GLB1: variants seen among roughly 807,000 people sequenced by gnomAD.
GLB1 encodes galactosidase beta 1.
In GLB1, 56 loss-of-function variants were observed where a neutral mutation model predicts 74.0. That is an observed-to-expected ratio of 0.76 (90% CI 0.61 to 0.94). The LOEUF (loss-of-function observed/expected upper bound fraction) is 0.94, where lower values mean the gene tolerates loss of function less well. GLB1 is among the 40% of genes least tolerant of loss of function. The pLI is 0.00. For missense variants in GLB1, 787 were observed against 845.5 expected, an observed-to-expected ratio of 0.93 and a Z score of 0.86; for synonymous variants, 323 against 323.6, an observed-to-expected ratio of 1.00 and a Z score of 0.02.
downstream of GLB1, among the ~76,000 whole-genome samples, chr3:32,993,947 GTC>G: frequency 6.6e-6 from 1 of 152,236 alleles, no homozygotes; most frequent in Admixed American, 6.5e-5. Flanking sequence ...GGGATTACAG[GTC>G]TAAGGGTAAT....
chr3:33,046,735 C>T (rs933602175), intron 9 of GLB1, among the ~76,000 whole-genome samples: 5 of 152,264 alleles, frequency 3.3e-5, no homozygotes, highest in Middle Eastern at 6.8e-3. Context: ...CCAAACACAG[C>T]GGGAGATGAC....
At chr3:32,984,314 G>T in the GLB1 span, among the ~76,000 whole-genome samples, 1 of 151,908 alleles carries the variant, frequency 6.6e-6, no homozygotes, top group African/African-American at 2.4e-5. Context: ...TGCTCAGGGG[G>T]GAATTCAAGG....
downstream of GLB1, among the ~76,000 whole-genome samples, chr3:32,992,783 T>C (rs1696246553): frequency 6.6e-6 from 1 of 152,198 alleles, no homozygotes; most frequent in African/African-American, 2.4e-5. Context: ...AGAGCAACTG[T>C]CTGGTGAGGA....
At chr3:33,065,766 G>A (rs191197851) in intron 4 of GLB1, among the ~76,000 whole-genome samples, 10 of 152,238 alleles carry the variant, frequency 6.6e-5, no homozygotes, top group Admixed American at 5.2e-4. Context: ...TCGGGAGTTC[G>A]AGACCAGCCT....
At chr3:33,022,437 G>A (rs1037916189) in intron 11 of GLB1, among the ~76,000 whole-genome samples, 7 of 151,956 alleles carry the variant, frequency 4.6e-5, no homozygotes, top group Non-Finnish European at 7.4e-5. Context: ...TACCCTGTGA[G>A]GCAGGTACTA....
the GLB1 span, among the ~76,000 whole-genome samples, chr3:32,990,799 C>A: frequency 6.6e-6 from 1 of 152,076 alleles, no homozygotes; most frequent in Non-Finnish European, 1.5e-5. Flanking sequence ...CGGTGAAACC[C>A]CGTCTCTACT....
chr3:33,089,229 G>A lies in GLB1; in HGVS notation c.75+7782C>T, dbSNP rs546668939. On this transcript the variant is annotated intron_variant, in intron 1 of 15. Transcript: ENST00000307363. ...GCTACGTGATATTGAACTTGGCAAT[G>A]ATTTCTTGGATATGATGCCAAAATA... Among the ~76,000 whole-genome samples the A allele has an allele frequency of 3.3e-5, 5 of 152,286 alleles. No homozygotes were observed. The East Asian group carries it at 9.6e-4, about 29-fold the overall frequency.
At chr3:33,060,733 T>C (rs1045322116) in intron 5 of GLB1, among the ~76,000 whole-genome samples, 3 of 152,204 alleles carry the variant, frequency 2.0e-5, no homozygotes, top group African/African-American at 7.2e-5. Context: ...AAAAGCACAA[T>C]TGCGAGGCAG....
At chr3:33,046,092 C>A in intron 10 of GLB1, 28 bp downstream of exon 10, 1 of 1,608,944 alleles carries the variant, frequency 6.2e-7, no homozygotes, top group Non-Finnish European at 8.5e-7. Flanking sequence ...CCAAGATCAG[C>A]CCACCACAGC....
chr3:32,970,823 G>T, the GLB1 span, among the ~76,000 whole-genome samples: 5 of 152,240 alleles, frequency 3.3e-5, no homozygotes, highest in African/African-American at 1.2e-4. Context: ...TGGAAGCTAA[G>T]CTCTTACCCT....
chr3:32,967,167 A>T, the GLB1 span, among the ~76,000 whole-genome samples: 1 of 152,240 alleles, frequency 6.6e-6, no homozygotes, highest in African/African-American at 2.4e-5. Flanking sequence ...AGGGATAGAG[A>T]TTGAAAAGGA....
chr3:33,093,836 G>A lies in GLB1; in HGVS notation c.75+3175C>T. 1 of 1,613,594 alleles carries A rather than the reference G, an allele frequency of 6.2e-7. No individual in the cohort carries two copies. Among genetic ancestry groups the A allele is most frequent in the Admixed American group, 1.7e-5 (1 of 59,916 alleles). ...GCATGATGATGTAAGCACCCAGGCA[G>A]GAGTAGGCCGCCAAGGAAAAGAGAT... On this transcript the variant is annotated intron_variant, in intron 1 of 15. Coordinates refer to ENST00000307363, the MANE Select transcript of GLB1 (RefSeq NM_000404.4). The surrounding 1 kb of genome is among the most constrained non-coding windows in gnomAD (Gnocchi z 6.0).
At chr3:32,979,520 C>CT in the GLB1 span, among the ~76,000 whole-genome samples, 958 of 149,766 alleles carry the variant, frequency 6.4e-3, 16 homozygotes, top group Non-Finnish European at 6.7e-3. Flanking sequence ...GGTGTTTTTT[C>CT]TTTTTTTTTC....
chr3:33,058,968 G>T (rs946941499), intron 5 of GLB1, among the ~76,000 whole-genome samples: 1 of 152,118 alleles, frequency 6.6e-6, no homozygotes, highest in Non-Finnish European at 1.5e-5. Context: ...CCCCACAGGG[G>T]ACATGTGGCT....
chr3:32,992,666 C>A (rs180861035), downstream of GLB1, among the ~76,000 whole-genome samples: 4 of 152,158 alleles, frequency 2.6e-5, no homozygotes, highest in Non-Finnish European at 1.5e-5. Flanking sequence ...GTCCTCAAAG[C>A]CTGTCCTGTT....
intron 1 of GLB1, chr3:33,091,448 A>G: frequency 4.1e-6 from 4 of 985,502 alleles, no homozygotes; most frequent in Non-Finnish European, 2.4e-6. Context: ...GCAGCTCGCT[A>G]CCCACTCACA....
rs1698731710 is a variant in GLB1, at chr3:33,046,170, C to T, written c.1018G>A (p.Ala340Thr). Residue 340 changes from alanine (A) to threonine (T), a missense_variant, in exon 10 of 16, where the codon GCT (alanine) becomes ACT (threonine). By Grantham distance (58) the Ala-to-Thr change is moderately conservative. Transcript: ENST00000307363. ...SYDYDAPLSE[A>T]GDLTEKYFAL... Reference sequence around the variant, plus strand: ...AAATACTTCTCAGTGAGGTCCCCAGCCTCACTCAGTGGGGCATCATAGTCG... The same window carrying T: ...AAATACTTCTCAGTGAGGTCCCCAGTCTCACTCAGTGGGGCATCATAGTCG... The T allele has an allele frequency of 2.5e-6, 4 of 1,613,960 alleles. No individual in the cohort carries two copies. Among genetic ancestry groups the T allele is most frequent in the African/African-American group, 2.7e-5 (2 of 75,010 alleles).
chr3:32,992,392 C>T (rs1696241907), downstream of GLB1, among the ~76,000 whole-genome samples: 1 of 152,174 alleles, frequency 6.6e-6, no homozygotes, highest in Admixed American at 6.5e-5. Flanking sequence ...TCATTTCTTC[C>T]CTCTTGTCCC....
intron 10 of GLB1, among the ~76,000 whole-genome samples, chr3:33,025,096 C>T (rs1697682599): frequency 6.6e-6 from 1 of 152,184 alleles, no homozygotes; most frequent in Non-Finnish European, 1.5e-5. Context: ...CAAGCATGCA[C>T]CACCACACCT....
Sources: gnomAD v4.1 joint callset for allele counts (sites outside exome capture counted in the v4.1 genomes callset) on GRCh38, gnomAD v4.1.1 for gene constraint, Gnocchi (gnomAD v3.1) non-coding constraint, MANE v1.5 for transcripts, NCBI Gene and HGNC (gene_info 2026-07-23, HGNC 2026-07-21) for gene names.